TRIO: variants seen among roughly 807,000 people sequenced by gnomAD.
The protein encoded by TRIO is triple functional domain protein.
In TRIO, 58 loss-of-function variants were observed where a neutral mutation model predicts 351.9. The observed-to-expected ratio is 0.16, with a 90% CI of 0.13 to 0.21. The LOEUF (loss-of-function observed/expected upper bound fraction) is 0.21. Ranked by LOEUF, TRIO falls within the 10% of genes least tolerant of loss-of-function variation. The pLI is 1.00. For missense variants in TRIO, 3,201 were observed against 4,027.8 expected (o/e 0.79, Z 5.56); for synonymous variants, 1,758 against 1,595.7 (o/e 1.10, Z -2.42).
intron 1 of TRIO, among the ~76,000 whole-genome samples, chr5:14,189,550 T>C (rs975504130): frequency 4.1e-4 from 62 of 152,290 alleles, no homozygotes; most frequent in African/African-American, 1.5e-3. Flanking sequence ...ATTCTCATCT[T>C]AGGTTGTACA....
At chr5:14,216,938 G>T (rs1250366938) in intron 1 of TRIO, among the ~76,000 whole-genome samples, 5 of 152,218 alleles carry the variant, frequency 3.3e-5, no homozygotes, top group African/African-American at 1.2e-4. Flanking sequence ...CCTGGCCAGA[G>T]CCAGGCTCTT....
intron 1 of TRIO, among the ~76,000 whole-genome samples, chr5:14,239,630 C>T (rs1053248317): frequency 6.6e-5 from 10 of 152,152 alleles, no homozygotes; most frequent in Admixed American, 2.0e-4. Context: ...AACAGCCTGC[C>T]CAAGGTCACC....
Position 14,369,456 on chromosome 5 carries a change from A to T in TRIO, c.3149A>T (p.Asn1050Ile), listed in dbSNP as rs200954380. ...GGCGGGGCGGATAAGCTGGGCCCAA[A>T]CTCTGAGACGGACCACGTGACGCCC... Reference protein sequence around the residue: ...WCGGADKLGPNSETDHVTPMI... With the variant: ...WCGGADKLGPISETDHVTPMI... The change falls in exon 18 of 57, where the codon AAC becomes ATC. Residue 1050 changes from asparagine to isoleucine, a missense_variant. By Grantham distance (149) the Asn-to-Ile change is moderately radical. Around this residue, in one of 19 missense-constraint regions of TRIO, gnomAD observed 363 missense variants for 553.5 expected, o/e 0.66. Transcript: ENST00000344204. 4.7e-4 allele frequency: 756 copies of T among 1,614,090 alleles called. 1 individual carries two copies. The highest frequency in any genetic ancestry group is 6.1e-4 in the Non-Finnish European group (721 of 1,180,016).
At chr5:14,382,852 T>C (rs1182672574) in intron 21 of TRIO, among the ~76,000 whole-genome samples, 1 of 140,522 alleles carries the variant, frequency 7.1e-6, no homozygotes, top group Non-Finnish European at 1.6e-5. Flanking sequence ...GGCGTGTGTG[T>C]GTCTGTGTGT....
rs56035446 is a variant in TRIO at position 14,297,074 on chromosome 5, C to T, written c.1179C>T (p.Asn393=). Residue 393 remains asparagine, a splice_region_variant and synonymous_variant, in exon 7 of 57, where the codon AAC becomes AAT. Coordinates refer to ENST00000344204, the MANE Select transcript of TRIO (RefSeq NM_007118.4). ...QHNHFAMNCM[N]VYVNINRIMS... ...CTCTTTTCCTGCCCACTTTCCAGAACGTGTATGTAAATATAAACCGCATCA... is the reference window on the plus strand; with the variant it reads ...CTCTTTTCCTGCCCACTTTCCAGAATGTGTATGTAAATATAAACCGCATCA... 8,668 of 1,606,598 alleles carry T rather than the reference C, an allele frequency of 5.4e-3. 34 individuals are homozygous for T. The highest frequency in any genetic ancestry group is 6.8e-3 in the Non-Finnish European group (8,011 of 1,173,810).
chr5:14,146,895 T>C (rs776232748), intron 1 of TRIO, among the ~76,000 whole-genome samples: 19 of 152,238 alleles, frequency 1.2e-4, no homozygotes, highest in Non-Finnish European at 2.5e-4. Flanking sequence ...TTTGCTGTCA[T>C]TCCGTTCTCT....
intron 11 of TRIO, among the ~76,000 whole-genome samples, chr5:14,349,720 G>A (rs1742866312): frequency 6.6e-6 from 1 of 152,058 alleles, no homozygotes; most frequent in Non-Finnish European, 1.5e-5. Context: ...TTAAAAAAAT[G>A]TTTATTTTTA....
chr5:14,412,143 A>G (rs1309290436), intron 33 of TRIO, among the ~76,000 whole-genome samples: 1 of 151,884 alleles, frequency 6.6e-6, no homozygotes, highest in Admixed American at 6.6e-5. Context: ...AAGTACCACC[A>G]CACCCAGCTA....
At chr5:14,326,890 GT>G (rs1276267706) in intron 9 of TRIO, among the ~76,000 whole-genome samples, 1 of 152,030 alleles carries the variant, frequency 6.6e-6, no homozygotes, top group African/African-American at 2.4e-5. Flanking sequence ...GGGGAGTTTG[GT>G]TTTGAATATT....
At chr5:14,290,174 C>A (rs547534857) in intron 4 of TRIO, among the ~76,000 whole-genome samples, 1 of 152,252 alleles carries the variant, frequency 6.6e-6, no homozygotes, top group African/African-American at 2.4e-5. Context: ...CAGCATTCAT[C>A]GTTTAATAGG....
chr5:14,363,467 G>C (rs1428377350), intron 13 of TRIO, among the ~76,000 whole-genome samples: 3 of 152,162 alleles, frequency 2.0e-5, no homozygotes, highest in Non-Finnish European at 4.4e-5. Flanking sequence ...TACACAAAGA[G>C]AAAAATTATT....
intron 13 of TRIO, among the ~76,000 whole-genome samples, chr5:14,362,808 C>G (rs1035813265): frequency 6.6e-6 from 1 of 152,110 alleles, no homozygotes; most frequent in African/African-American, 2.4e-5. Flanking sequence ...GTCCCCTCAG[C>G]CTTTTTCTCA....
intron 21 of TRIO, among the ~76,000 whole-genome samples, chr5:14,386,246 C>T (rs1746529353): frequency 6.6e-6 from 1 of 152,050 alleles, no homozygotes; most frequent in South Asian, 2.1e-4. Context: ...GCAGGAGCAC[C>T]AGTGCAGAGG....
chr5:14,316,436 A>T, intron 8 of TRIO, 77 bp from the exon 9 acceptor site: 2 of 1,456,502 alleles, frequency 1.4e-6, no homozygotes, highest in Non-Finnish European at 1.9e-6. Flanking sequence ...ACACACATGT[A>T]TCCAAGGACA....
intron 34 of TRIO, among the ~76,000 whole-genome samples, chr5:14,449,886 T>G (rs1024071840): frequency 1.3e-4 from 20 of 152,356 alleles, no homozygotes; most frequent in South Asian, 8.3e-4. Context: ...TTTCTTCACG[T>G]TTCTTTATTG....
chr5:14,325,224 A>G (rs2094322397), intron 9 of TRIO, among the ~76,000 whole-genome samples: 1 of 152,130 alleles, frequency 6.6e-6, no homozygotes, highest in South Asian at 2.1e-4. Context: ...CTGTTTGATG[A>G]GGGTTTAGTA....
chr5:14,381,101 C>G lies in TRIO; in HGVS notation c.3448-29C>G, dbSNP rs544599989. ...GCTCCTCTCAGGAATGTGTAGCCCTCTGACTCCATTCATTCCTTCCCCTTC... is the reference window on the plus strand; with the variant it reads ...GCTCCTCTCAGGAATGTGTAGCCCTGTGACTCCATTCATTCCTTCCCCTTC... On this transcript the variant is annotated intron_variant, in intron 20 of 56. Coordinates refer to ENST00000344204, the MANE Select transcript of TRIO (RefSeq NM_007118.4). 1.3e-5 allele frequency: 21 copies of G among 1,606,814 alleles called. No individual in the cohort carries two copies. The Admixed American group carries it at 3.2e-4, about 25-fold the overall frequency.
At chr5:14,489,241 C>G in intron 48 of TRIO, 1 of 517,862 alleles carries the variant, frequency 1.9e-6, no homozygotes, top group South Asian at 2.9e-5. Flanking sequence ...TTGACTTGGT[C>G]TTATCCTTTC....
At chr5:14,410,885 A>G (rs771569320) in intron 33 of TRIO, among the ~76,000 whole-genome samples, 1 of 152,224 alleles carries the variant, frequency 6.6e-6, no homozygotes, top group African/African-American at 2.4e-5. Flanking sequence ...CTACTTTGAA[A>G]ACATCAGTTT....
Sources: allele counts gnomAD v4.1 joint callset (sites outside exome capture counted in the v4.1 genomes callset), GRCh38; gene constraint gnomAD v4.1.1; regional missense constraint gnomAD v4.1.1; transcripts MANE v1.5; gene names NCBI Gene and HGNC (gene_info 2026-07-23, HGNC 2026-07-21).